Variants in RELL1 observed in about 807,000 individuals in gnomAD.
RELL1 encodes the protein RELT like 1.
A neutral mutation model predicts 23.0 loss-of-function variants in RELL1; 10 were observed. The ratio of observed to expected loss-of-function variants is 0.43; its 90% confidence interval spans 0.27 to 0.74. The LOEUF (loss-of-function observed/expected upper bound fraction) is 0.74. Among genes scored for constraint, RELL1 ranks in the 30% least tolerant of loss-of-function variants. RELL1 has a pLI of 0.19. For missense variants in RELL1, 315 were observed against 364.4 expected (o/e 0.86, Z 1.10); for synonymous variants, 146 against 146.8 (o/e 0.99, Z 0.04).
At chr4:37,656,332 T>C (rs1309017331) in intron 1 of RELL1, among the ~76,000 whole-genome samples, 1 of 152,008 alleles carries the variant, frequency 6.6e-6, no homozygotes, top group Non-Finnish European at 1.5e-5. Context: ...AGTAGAATGG[T>C]GTTTGCCAGG....
intron 1 of RELL1, among the ~76,000 whole-genome samples, chr4:37,683,824 G>A (rs1489734797): frequency 4.6e-5 from 7 of 152,104 alleles, no homozygotes; most frequent in Middle Eastern, 3.4e-3. Context: ...GCTCACGCCT[G>A]TAATCCCAGC....
intron 5 of RELL1, among the ~76,000 whole-genome samples, chr4:37,632,769 A>G (rs1392650156): frequency 1.3e-5 from 2 of 152,242 alleles, no homozygotes; most frequent in Admixed American, 6.5e-5. Context: ...AGAGATTTTC[A>G]TTAAGAATTA....
chr4:37,600,436 T>C (rs1430532911), intron 6 of RELL1, among the ~76,000 whole-genome samples: 1 of 152,150 alleles, frequency 6.6e-6, no homozygotes, highest in Non-Finnish European at 1.5e-5. Context: ...CTAAACTGGG[T>C]AAGTTCTGTT....
At position 37,631,401 on chromosome 4, in the gene RELL1, C is replaced by A; in HGVS notation, c.803G>T (p.Ser268Ile). Residue 268 changes from serine to isoleucine, a missense_variant, in exon 6 of 7, where the codon AGT becomes ATT. By Grantham distance (142) the Ser-to-Ile change is moderately radical. Transcript: ENST00000454158. ...VPATPVKRER[S>I]GTE Reference sequence around the variant, plus strand: ...ACGGCTCACCTGCTACTCTGTGCCACTGCGTTCTCTCTTCACAGGTGTTGC... The same window carrying A: ...ACGGCTCACCTGCTACTCTGTGCCAATGCGTTCTCTCTTCACAGGTGTTGC... 6.2e-7 allele frequency: 1 copy of A among 1,613,976 alleles called. No individual in the cohort carries two copies. The highest frequency in any genetic ancestry group is 1.1e-5 in the South Asian group (1 of 91,010).
downstream of RELL1, chr4:37,588,777 A>C (rs1718441671): frequency 8.4e-7 from 1 of 1,188,396 alleles, no homozygotes; most frequent in Non-Finnish European, 1.2e-6. Flanking sequence ...AGGGAAAAAA[A>C]AAGGCAAACT....
intron 6 of RELL1, among the ~76,000 whole-genome samples, chr4:37,615,015 C>T (rs990332669): frequency 1.3e-5 from 2 of 152,140 alleles, no homozygotes; most frequent in Non-Finnish European, 2.9e-5. Context: ...CAGACCCCTA[C>T]TCCCAGCCGT....
intron 1 of RELL1, among the ~76,000 whole-genome samples, chr4:37,653,397 ATTCAATACAAGTATTGAAAC>A (rs1340850842): frequency 3.6e-4 from 37 of 102,400 alleles, no homozygotes; most frequent in African/African-American, 1.1e-3. Flanking sequence ...AAACCTCAAT[ATTCAATACAAGTATTGAAAC>A]CTCAATATTC....
intron 6 of RELL1, among the ~76,000 whole-genome samples, chr4:37,627,913 T>G (rs950591934): frequency 2.0e-5 from 3 of 152,184 alleles, no homozygotes; most frequent in Non-Finnish European, 4.4e-5. Flanking sequence ...CTAGCTGCAT[T>G]CCAGTGCAGA....
At chr4:37,641,254 C>T (rs974098388) in intron 3 of RELL1, among the ~76,000 whole-genome samples, 1 of 152,160 alleles carries the variant, frequency 6.6e-6, no homozygotes, top group African/African-American at 2.4e-5. Flanking sequence ...CACCCACATG[C>T]ATGCATGTAC....
At chr4:37,643,137 C>A (rs1720584409) in intron 3 of RELL1, among the ~76,000 whole-genome samples, 1 of 152,204 alleles carries the variant, frequency 6.6e-6, no homozygotes, top group African/African-American at 2.4e-5. Flanking sequence ...CTTTTGGGAT[C>A]TGACGCTAAC....
intron 6 of RELL1, among the ~76,000 whole-genome samples, chr4:37,603,192 G>A (rs535817889): frequency 2.6e-5 from 4 of 152,194 alleles, no homozygotes; most frequent in Admixed American, 2.0e-4. Flanking sequence ...GCCAGCAGAG[G>A]GAGCGAAGGG....
chr4:37,605,793 G>GAAAGAAAGAA (rs1553871642), downstream of RELL1, among the ~76,000 whole-genome samples: 1 of 90,304 alleles, frequency 1.1e-5, no homozygotes, highest in Non-Finnish European at 2.4e-5. Context: ...GAGAAAGAAA[G>GAAAGAAAGAA]AGAAAGAAAG....
intron 5 of RELL1, among the ~76,000 whole-genome samples, chr4:37,634,135 G>A (rs141449559): frequency 6.1e-4 from 93 of 152,358 alleles, no homozygotes; most frequent in African/African-American, 2.0e-3. Flanking sequence ...TCAGGTAAGG[G>A]CCAATGGATT....
At chr4:37,590,013 G>T, downstream of RELL1, 3 of 1,045,534 alleles carry the variant, frequency 2.9e-6, no homozygotes, top group South Asian at 4.7e-5. Context: ...AGGAATCGTA[G>T]AAAGAAGCAG....
At chr4:37,597,959 G>A (rs991391515) in intron 6 of RELL1, among the ~76,000 whole-genome samples, 21 of 151,690 alleles carry the variant, frequency 1.4e-4, no homozygotes, top group African/African-American at 4.3e-4. Context: ...GCTGAGGCAG[G>A]AGAATTGCTT....
chr4:37,591,360 C>T (rs919943212), intron 6 of RELL1: 1 of 172,828 alleles, frequency 5.8e-6, no homozygotes, highest in African/African-American at 2.4e-5. Flanking sequence ...AACCCTTGAT[C>T]CCAAAGGCAC....
At chr4:37,635,157 G>C (rs761948211) in intron 4 of RELL1, 34 bp from the exon 5 acceptor site, 1 of 1,534,668 alleles carries the variant, frequency 6.5e-7, no homozygotes, top group East Asian at 2.2e-5. Context: ...AGAGCAACTG[G>C]TTAAAGGAAA....
chr4:37,603,009 C>A (rs13147385), intron 6 of RELL1, among the ~76,000 whole-genome samples: 19,223 of 152,316 alleles, frequency 0.13, 1,331 homozygotes, highest in Middle Eastern at 0.19. Flanking sequence ...TAGAAAAAAA[C>A]TAGACTTGAA....
intron 1 of RELL1, among the ~76,000 whole-genome samples, chr4:37,679,032 G>A (rs1722115623): frequency 6.6e-6 from 1 of 152,132 alleles, no homozygotes; most frequent in Non-Finnish European, 1.5e-5. Flanking sequence ...GGGGGCCTTG[G>A]GGTATTGCAG....
Sources: gnomAD v4.1 joint callset for allele counts (sites outside exome capture counted in the v4.1 genomes callset) on GRCh38, gnomAD v4.1.1 for gene constraint, MANE v1.5 for transcripts, NCBI Gene and HGNC (gene_info 2026-07-23, HGNC 2026-07-21) for gene names.